The following RIMS1 variants were observed in gnomAD, a reference collection of about 807,000 sequenced individuals.
RIMS1 encodes regulating synaptic membrane exocytosis 1, also known as regulating synaptic membrane exocytosis protein 1.
Under a neutral mutation model 214.1 loss-of-function variants are expected in RIMS1, and 83 were observed. The ratio of observed to expected loss-of-function variants is 0.39; its 90% CI spans 0.32 to 0.47. The LOEUF is 0.47. Among genes scored for constraint, RIMS1 ranks in the 20% least tolerant of loss-of-function variants. The pLI, the probability that RIMS1 is intolerant of heterozygous loss-of-function variation, is 0.99. For synonymous variants in RIMS1, 793 were observed against 786.8 expected (o/e 1.01, Z -0.13); for missense variants, 2,050 against 2,161.8 (o/e 0.95, Z 1.03).
At chr6:72,295,789 T>C (rs2094009277) in intron 26 of RIMS1, 2 of 152,680 alleles carry the variant, frequency 1.3e-5, no homozygotes, top group African/African-American at 4.8e-5. Context: ...GAACTCATGG[T>C]TTTTCATTGC....
chr6:72,150,218 G>T (rs1281491306), intron 4 of RIMS1, among the ~76,000 whole-genome samples: 1 of 151,914 alleles, frequency 6.6e-6, no homozygotes, highest in Non-Finnish European at 1.5e-5. Flanking sequence ...CTAAAAAAAG[G>T]CCAGTCAAAG....
intron 4 of RIMS1, among the ~76,000 whole-genome samples, chr6:72,105,230 G>C (rs917844856): frequency 1.3e-5 from 2 of 152,104 alleles, no homozygotes; most frequent in Non-Finnish European, 2.9e-5. Context: ...CACCACAGCA[G>C]TCTTTTTATT....
intron 3 of RIMS1, among the ~76,000 whole-genome samples, chr6:72,099,296 C>T (rs759743288): frequency 6.6e-6 from 1 of 152,158 alleles, no homozygotes; most frequent in Non-Finnish European, 1.5e-5. Context: ...TAGTGTAGTT[C>T]ATCTTTACTA....
At chr6:72,126,883 A>T (rs952143127) in intron 4 of RIMS1, among the ~76,000 whole-genome samples, 8 of 152,296 alleles carry the variant, frequency 5.3e-5, no homozygotes, top group African/African-American at 1.4e-4. Context: ...TTCCTTAAAC[A>T]ACTAAAAGTT....
At chr6:72,316,105 ACATTGTAAATTC>A (rs1257818544) in intron 28 of RIMS1, among the ~76,000 whole-genome samples, 3 of 152,152 alleles carry the variant, frequency 2.0e-5, no homozygotes, top group Non-Finnish European at 4.4e-5. Context: ...ACAAAAAAAA[ACATTGTAAATTC>A]CTGTTATCTT....
chr6:72,008,083 G>T (rs571595859), intron 2 of RIMS1, among the ~76,000 whole-genome samples: 3 of 152,152 alleles, frequency 2.0e-5, no homozygotes, highest in Admixed American at 1.3e-4. Flanking sequence ...GAAAGGTCGG[G>T]TTACCCACAA....
chr6:72,127,936 A>T (rs1441170881), intron 4 of RIMS1, among the ~76,000 whole-genome samples: 2 of 152,216 alleles, frequency 1.3e-5, no homozygotes, highest in African/African-American at 4.8e-5. Context: ...ATCCTCTAGT[A>T]AGAAGACTTG....
At chr6:72,074,979 A>G (rs1470903736) in intron 2 of RIMS1, among the ~76,000 whole-genome samples, 2 of 152,172 alleles carry the variant, frequency 1.3e-5, no homozygotes, top group African/African-American at 4.8e-5. Flanking sequence ...AAGACATCAA[A>G]TCTCACAGTA....
intron 2 of RIMS1, among the ~76,000 whole-genome samples, chr6:71,976,298 G>C (rs1165163990): frequency 2.6e-5 from 4 of 152,022 alleles, no homozygotes; most frequent in Admixed American, 2.6e-4. Flanking sequence ...TGTTTCCCTA[G>C]TGAATAATGA....
Position 72,290,693 on chromosome 6 carries a change from G to T in RIMS1, c.3569G>T (p.Cys1190Phe). Reference protein sequence around the residue: ...ASDAERVLPTCLSRRGHAAPR... With the variant: ...ASDAERVLPTFLSRRGHAAPR... ...TAATGTTTTAGGGTTCTCCCAACAT[G>T]TCTTTCTAGAAGGGGACACGCAGCC... Residue 1190 changes from cysteine (C) to phenylalanine (F), a missense_variant, in exon 25 of 34, where the codon TGT becomes TTT. By Grantham distance (205) the Cys-to-Phe change is radical. Around this residue, in one of 6 missense-constraint regions of RIMS1, gnomAD observed 889 missense variants for 885.5 expected, o/e 1.00. Transcript: ENST00000521978. 6.2e-7 allele frequency: 1 copy of T among 1,613,490 alleles called. No individual in the cohort carries two copies.
chr6:72,253,950 C>T (rs2074632680), intron 16 of RIMS1, among the ~76,000 whole-genome samples: 2 of 152,178 alleles, frequency 1.3e-5, no homozygotes, highest in South Asian at 4.1e-4. Flanking sequence ...ACTGCACCCT[C>T]CACCTCCCAG....
intron 2 of RIMS1, among the ~76,000 whole-genome samples, chr6:71,981,248 T>TA (rs1554168360): frequency 4.6e-5 from 7 of 152,112 alleles, no homozygotes; most frequent in Non-Finnish European, 1.0e-4. Flanking sequence ...TGAAACTTTA[T>TA]AAAGTATTGT....
intron 1 of RIMS1, among the ~76,000 whole-genome samples, chr6:71,919,546 G>T: frequency 6.6e-6 from 1 of 152,104 alleles, no homozygotes; most frequent in East Asian, 1.9e-4. Flanking sequence ...TGGCACTTGG[G>T]AGTCATCAGG....
In RIMS1 at chr6:72,161,233, T is replaced by A. The variant is rs1488145712; in HGVS notation, c.472-18342T>A. 1.4e-5 allele frequency among the ~76,000 whole-genome samples: 2 copies of A among 140,710 alleles called. 1 individual carries two copies. Among genetic ancestry groups the A allele is most frequent in the Non-Finnish European group, 3.2e-5 (2 of 61,946 alleles). The allele number at this position is 140,710 out of a possible 152,430, so 92.3% of individuals were successfully genotyped here. On this transcript the variant is annotated intron_variant, in intron 4 of 33. Coordinates refer to ENST00000521978, the MANE Select transcript of RIMS1 (RefSeq NM_014989.7). ...TATTTCTGTGGGATTGGTGGTGATATCCCCTTTATCAGTTTTTATTGCATC... is the reference window on the plus strand; with the variant it reads ...TATTTCTGTGGGATTGGTGGTGATAACCCCTTTATCAGTTTTTATTGCATC...
chr6:71,994,136 C>G (rs1802697021), intron 2 of RIMS1, among the ~76,000 whole-genome samples: 1 of 152,094 alleles, frequency 6.6e-6, no homozygotes, highest in African/African-American at 2.4e-5. Context: ...GGGAATTCCC[C>G]TAGCTACTTT....
chr6:72,261,584 A>G (rs2078032300), intron 19 of RIMS1: 1 of 972,266 alleles, frequency 1.0e-6, no homozygotes, highest in Non-Finnish European at 1.2e-6. Context: ...GTAGTAAGTC[A>G]GTGAAACAAA....
At chr6:72,186,049 A>T (rs1337846509) in intron 6 of RIMS1, among the ~76,000 whole-genome samples, 1 of 152,256 alleles carries the variant, frequency 6.6e-6, no homozygotes, top group Non-Finnish European at 1.5e-5. Flanking sequence ...TATATGATAC[A>T]TATAACATAC....
intron 6 of RIMS1, among the ~76,000 whole-genome samples, chr6:72,188,824 C>T (rs1433823682): frequency 6.6e-6 from 1 of 152,200 alleles, no homozygotes; most frequent in Non-Finnish European, 1.5e-5. Flanking sequence ...TCCTGTATTC[C>T]ATGCATACTT....
chr6:72,218,687 G>A (rs1374752697), intron 6 of RIMS1, among the ~76,000 whole-genome samples: 1 of 151,972 alleles, frequency 6.6e-6, no homozygotes, highest in Admixed American at 6.6e-5. Context: ...CTTAATAGTA[G>A]ACACCCACCA....
Sources: allele counts gnomAD v4.1 joint callset (sites outside exome capture counted in the v4.1 genomes callset), GRCh38; gene constraint gnomAD v4.1.1; regional missense constraint gnomAD v4.1.1; transcripts MANE v1.5; gene names NCBI Gene and HGNC (gene_info 2026-07-23, HGNC 2026-07-21).